Variants in NOS1 observed in about 807,000 individuals in gnomAD.
The protein encoded by NOS1 is nitric oxide synthase 1.
A neutral mutation model predicts 164.5 loss-of-function variants in NOS1; 51 were observed. That is an observed-to-expected ratio of 0.31 (90% CI 0.25 to 0.39). The LOEUF (loss-of-function observed/expected upper bound fraction) is 0.39, where lower values mean the gene tolerates loss of function less well. Among genes scored for constraint, NOS1 ranks in the 10% least tolerant of loss-of-function variants. NOS1 has a pLI of 1.00. For missense variants in NOS1, 1,362 were observed against 1,885.6 expected (o/e 0.72, Z 5.14); for synonymous variants, 719 against 745.8 (o/e 0.96, Z 0.59).
In NOS1 at chr12:117,214,002, C is replaced by G. The variant is rs1956566271; in HGVS notation, c.*1307G>C. 2 of 985,242 alleles carry G rather than the reference C, an allele frequency of 2.0e-6. No individual in the cohort carries two copies. The highest frequency in any genetic ancestry group is 2.4e-6 in the Non-Finnish European group (2 of 829,932). 61.0% of individuals were successfully genotyped at this position (985,242 alleles called of 1,614,324 possible). A position where few individuals can be genotyped will look rare whatever the true frequency, so the allele number is the denominator to read the frequency against. On this transcript the variant is annotated 3_prime_UTR_variant, in exon 29 of 29. Transcript: ENST00000317775. ...AACTTATTTGTCAAAATTAATTTAACAGGTTTAAAACTTTGGAGATCAACT... is the reference window on the plus strand; with the variant it reads ...AACTTATTTGTCAAAATTAATTTAAGAGGTTTAAAACTTTGGAGATCAACT...
intron 3 of NOS1, 70 bp downstream of exon 3, chr12:117,311,396 A>G: frequency 2.0e-6 from 3 of 1,495,440 alleles, no homozygotes. Flanking sequence ...CCCTCCCCTC[A>G]GCTTCCCACC....
At chr12:117,347,318 A>G (rs1465738168) in intron 1 of NOS1, among the ~76,000 whole-genome samples, 2 of 151,780 alleles carry the variant, frequency 1.3e-5, no homozygotes, top group Non-Finnish European at 2.9e-5. Flanking sequence ...AAAGAAAAAT[A>G]AACAAACAAA....
intron 2 of NOS1, among the ~76,000 whole-genome samples, chr12:117,324,894 C>G (rs816293): frequency 0.38 from 58,441 of 152,006 alleles, 11,490 homozygotes; most frequent in Middle Eastern, 0.48. Context: ...ACTTCTCCTC[C>G]CACGTAAGTG....
At chr12:117,311,735 A>AT in intron 2 of NOS1, 143 bp from the exon 3 acceptor site, 1 of 818,842 alleles carries the variant, frequency 1.2e-6, no homozygotes. Flanking sequence ...TTGGGTACCC[A>AT]TCCTGCTGCT....
At chr12:117,216,270 C>A (rs950824440) in intron 28 of NOS1, among the ~76,000 whole-genome samples, 1 of 150,962 alleles carries the variant, frequency 6.6e-6, no homozygotes, top group Non-Finnish European at 1.5e-5. Flanking sequence ...GCAAGCTCCA[C>A]CTCCCAGGTT....
At chr12:117,340,578 G>A (rs1876050909) in intron 1 of NOS1, among the ~76,000 whole-genome samples, 1 of 152,114 alleles carries the variant, frequency 6.6e-6, no homozygotes, top group African/African-American at 2.4e-5. Context: ...CACCCAGGCT[G>A]GAGTGTGGTG....
intron 22 of NOS1, among the ~76,000 whole-genome samples, chr12:117,228,971 C>T (rs997646653): frequency 2.6e-5 from 4 of 152,104 alleles, no homozygotes; most frequent in African/African-American, 7.2e-5. Context: ...TTAGTAGAGA[C>T]AGGGTTTCAC....
chr12:117,219,184 G>C (rs891333754), intron 27 of NOS1, among the ~76,000 whole-genome samples: 1 of 151,808 alleles, frequency 6.6e-6, no homozygotes, highest in Non-Finnish European at 1.5e-5. Context: ...TCACCATGTT[G>C]GTTGGCCAGG....
At chr12:117,283,779 C>T (rs1873878985) in intron 7 of NOS1, among the ~76,000 whole-genome samples, 1 of 140,028 alleles carries the variant, frequency 7.1e-6, no homozygotes, top group Non-Finnish European at 1.5e-5. Context: ...TTGTTTGAAC[C>T]TGGGAGGTGG....
chr12:117,222,634 G>A, intron 26 of NOS1, 81 bp downstream of exon 26: 1 of 1,324,626 alleles, frequency 7.5e-7, no homozygotes, highest in South Asian at 1.3e-5. Context: ...TTAAGAGTGA[G>A]GGTGAGGGGT....
At chr12:117,295,468 A>G (rs1873345243) in intron 3 of NOS1, among the ~76,000 whole-genome samples, 1 of 152,192 alleles carries the variant, frequency 6.6e-6, no homozygotes, top group African/African-American at 2.4e-5. Context: ...GTCCAAGGCC[A>G]TGTGGCCCAC....
intron 1 of NOS1, among the ~76,000 whole-genome samples, chr12:117,360,462 G>T (rs1468818995): frequency 6.6e-6 from 1 of 152,230 alleles, no homozygotes; most frequent in African/African-American, 2.4e-5. Flanking sequence ...CGCGCCCCTC[G>T]GCCTCCCTAG....
chr12:117,236,210 G>A (rs1230597779), intron 20 of NOS1, among the ~76,000 whole-genome samples: 1 of 152,036 alleles, frequency 6.6e-6, no homozygotes, highest in Non-Finnish European at 1.5e-5. Flanking sequence ...TTTCTTCATT[G>A]CCAATTAATT....
At chr12:117,322,754 C>T (rs1875042961) in intron 2 of NOS1, among the ~76,000 whole-genome samples, 1 of 117,524 alleles carries the variant, frequency 8.5e-6, no homozygotes, top group Non-Finnish European at 1.8e-5. Flanking sequence ...TCCCCACTTC[C>T]TTCCCTCCTT....
chr12:117,253,274 C>A (rs1479151743), intron 17 of NOS1, among the ~76,000 whole-genome samples: 1 of 152,102 alleles, frequency 6.6e-6, no homozygotes, highest in Non-Finnish European at 1.5e-5. Flanking sequence ...TGGGTCATAG[C>A]AGGGTGTCTA....
Position 117,222,883 on chromosome 12 carries a change from T to C in NOS1, c.3827-20A>G. On this transcript the variant is annotated intron_variant, in intron 25 of 28. Coordinates refer to ENST00000317775, the MANE Select transcript of NOS1 (RefSeq NM_000620.5). Reference sequence around the variant, plus strand: ...TCATTCCTGGGGACCAGGAAGACCTTATGTCACCGATGGCTCTCTGCCTGA... The same window carrying C: ...TCATTCCTGGGGACCAGGAAGACCTCATGTCACCGATGGCTCTCTGCCTGA... 15 of 1,609,748 alleles carry C rather than the reference T, an allele frequency of 9.3e-6. No individual in the cohort carries two copies. The highest frequency in any genetic ancestry group is 1.1e-5 in the Non-Finnish European group (13 of 1,177,986).
intron 21 of NOS1, among the ~76,000 whole-genome samples, chr12:117,233,808 CAAAAAAA>C (rs374050465): frequency 3.5e-5 from 2 of 57,088 alleles, no homozygotes; most frequent in African/African-American, 6.4e-5. Flanking sequence ...AAGTCTGTCT[CAAAAAAA>C]AAAAAAAAAA....
At chr12:117,229,759 T>G (rs1427541263) in intron 22 of NOS1, among the ~76,000 whole-genome samples, 1 of 152,144 alleles carries the variant, frequency 6.6e-6, no homozygotes, top group Admixed American at 6.5e-5. Flanking sequence ...AAGCTAATTT[T>G]TGCATTTTTA....
intron 3 of NOS1, among the ~76,000 whole-genome samples, chr12:117,295,615 CTTTTTTT>C (rs33913257): frequency 1.9e-5 from 2 of 105,114 alleles, no homozygotes; most frequent in Non-Finnish European, 3.7e-5. Flanking sequence ...CCTGATCATT[CTTTTTTT>C]TTTTTTTTTT....
Sources: allele counts gnomAD v4.1 joint callset (sites outside exome capture counted in the v4.1 genomes callset), GRCh38; gene constraint gnomAD v4.1.1; transcripts MANE v1.5; gene names NCBI Gene and HGNC (gene_info 2026-07-23, HGNC 2026-07-21).